Variants in FCN2 observed in about 807,000 individuals in gnomAD.
FCN2 encodes ficolin 2.
A neutral mutation model predicts 32.5 loss-of-function variants in FCN2; 31 were observed. That is an observed-to-expected ratio of 0.96 (90% CI 0.72 to 1.29). The LOEUF (loss-of-function observed/expected upper bound fraction) is 1.29. Among genes scored for constraint, FCN2 ranks in the 50% most tolerant of loss-of-function variants. The probability of loss-of-function intolerance (pLI) is 0.00; values close to 1 mark genes in which losing one functional copy is unlikely to be tolerated. For synonymous variants in FCN2, 181 were observed against 164.5 expected (o/e 1.10, Z -0.77); for missense variants, 412 against 406.5 (o/e 1.01, Z -0.12).
chr9:134,885,178 T>C, intron 4 of FCN2, 61 bp from the exon 5 acceptor site: 2 of 1,610,622 alleles, frequency 1.2e-6, no homozygotes, highest in Non-Finnish European at 8.5e-7. Flanking sequence ...GCCTCCCTCC[T>C]ACTGCCTGTG....
At chr9:134,882,187 G>T (rs1267248925) in intron 1 of FCN2, among the ~76,000 whole-genome samples, 2 of 152,264 alleles carry the variant, frequency 1.3e-5, no homozygotes, top group East Asian at 3.8e-4. Context: ...AGGGAACAGA[G>T]GCTCAGAGGG....
upstream of FCN2, among the ~76,000 whole-genome samples, chr9:134,875,919 G>T (rs894252283): frequency 1.3e-5 from 2 of 152,176 alleles, no homozygotes; most frequent in African/African-American, 4.8e-5. Flanking sequence ...AAGCTGCTAA[G>T]ATGTGGTAAT....
the FCN2 span, among the ~76,000 whole-genome samples, chr9:134,867,869 T>G: frequency 8.5e-5 from 13 of 152,170 alleles, no homozygotes; most frequent in Admixed American, 8.5e-4. Flanking sequence ...GAAATATTGG[T>G]GGTCATTAGT....
At chr9:134,871,920 C>T in the FCN2 span, among the ~76,000 whole-genome samples, 5 of 152,132 alleles carry the variant, frequency 3.3e-5, no homozygotes, top group Admixed American at 6.5e-5. Flanking sequence ...GAAGCTTCCT[C>T]GTTGCAATCC....
upstream of FCN2, among the ~76,000 whole-genome samples, chr9:134,878,632 C>G (rs1163156470): frequency 6.6e-6 from 1 of 152,162 alleles, no homozygotes; most frequent in Non-Finnish European, 1.5e-5. Context: ...CACCTGAGGT[C>G]GGGAGTTCGA....
intron 7 of FCN2, 98 bp from the exon 8 acceptor site, chr9:134,887,070 C>A: frequency 1.4e-6 from 2 of 1,392,192 alleles, no homozygotes; most frequent in Non-Finnish European, 2.0e-6. Context: ...CCTAACCATA[C>A]ATGGAGGACA....
At chr9:134,878,633 G>A (rs988235399), upstream of FCN2, among the ~76,000 whole-genome samples, 1 of 152,126 alleles carries the variant, frequency 6.6e-6, no homozygotes, top group African/African-American at 2.4e-5. Context: ...ACCTGAGGTC[G>A]GGAGTTCGAG....
Position 134,882,581 on chromosome 9 carries a change from T to C in FCN2, c.156T>C (p.Cys52=). 5 of 1,614,104 alleles carry C rather than the reference T, an allele frequency of 3.1e-6. No individual in the cohort carries two copies. The highest frequency in any genetic ancestry group is 1.6e-4 in the Middle Eastern group (1 of 6,062). ...GSDKLTILRG[C]PGLPGAPGPK... is the part of the protein sequence containing the mutation. The stretch of plus-strand genomic sequence containing the variant: ...ACAAGCTCACCATTCTCCGAGGCTG[T>C]CCGGGGCTGCCTGGGGCCCCTGGGC... The change falls in exon 2 of 8, where the codon TGT becomes TGC. Residue 52 remains cysteine (C), a synonymous_variant. Coordinates refer to ENST00000291744, the MANE Select transcript of FCN2 (RefSeq NM_004108.3).
Position 134,884,784 on chromosome 9 carries a change from C to A in FCN2, c.301+12C>A. 1 of 1,613,254 alleles carries A rather than the reference C, an allele frequency of 6.2e-7. No homozygotes were observed. Among genetic ancestry groups the A allele is most frequent in the Non-Finnish European group, 8.5e-7 (1 of 1,179,334 alleles). Reference sequence around the variant, plus strand: ...GCCGTGCCTGACAGGTGACTGACCACCCCCACACTCCTCCCACGGCTTGTG... The same window carrying A: ...GCCGTGCCTGACAGGTGACTGACCAACCCCACACTCCTCCCACGGCTTGTG... On this transcript the variant is annotated intron_variant, in intron 4 of 7. Transcript: ENST00000291744.
At chr9:134,865,928 C>T in the FCN2 span, among the ~76,000 whole-genome samples, 1 of 151,620 alleles carries the variant, frequency 6.6e-6, no homozygotes, top group Non-Finnish European at 1.5e-5. Context: ...ATCCAACTTA[C>T]AAGGGATGTG....
intron 5 of FCN2, among the ~76,000 whole-genome samples, 176 bp downstream of exon 5, chr9:134,885,542 T>A (rs1030840136): frequency 1.3e-5 from 2 of 151,548 alleles, no homozygotes; most frequent in Non-Finnish European, 2.9e-5. Context: ...CTGGGAGAGG[T>A]TGGGTGCTCT....
At chr9:134,885,627 G>C in intron 5 of FCN2, 141 bp from the exon 6 acceptor site, 1 of 1,213,344 alleles carries the variant, frequency 8.2e-7, no homozygotes, top group Non-Finnish European at 1.2e-6. Context: ...TGGAGTCTGT[G>C]AGGAGAACAG....
At chr9:134,879,254 G>T (rs1005578354), upstream of FCN2, among the ~76,000 whole-genome samples, 4 of 152,104 alleles carry the variant, frequency 2.6e-5, no homozygotes, top group African/African-American at 4.8e-5. Flanking sequence ...ACTCCAATAG[G>T]CCAGATTCTC....
chr9:134,869,147 G>A, the FCN2 span, among the ~76,000 whole-genome samples: 1 of 152,162 alleles, frequency 6.6e-6, no homozygotes, highest in Non-Finnish European at 1.5e-5. Context: ...CTCGGCCCCC[G>A]TGCCGGGGCT....
chr9:134,869,193 A>G, the FCN2 span, among the ~76,000 whole-genome samples: 3 of 152,208 alleles, frequency 2.0e-5, no homozygotes, highest in African/African-American at 7.2e-5. Context: ...CTTGGGACTC[A>G]TGCATGAGAG....
chr9:134,883,418 C>G (rs1053604540), intron 3 of FCN2, 63 bp downstream of exon 3: 1 of 1,453,768 alleles, frequency 6.9e-7, no homozygotes, highest in Non-Finnish European at 9.7e-7. Context: ...TGCAGAGGAA[C>G]GTGAGGCGGG....
At chr9:134,867,048 T>G in the FCN2 span, among the ~76,000 whole-genome samples, 1 of 118,994 alleles carries the variant, frequency 8.4e-6, no homozygotes, top group Non-Finnish European at 1.7e-5. Flanking sequence ...GGTGGGACTG[T>G]AAACTAGTTC....
chr9:134,879,829 C>T (rs979973105), upstream of FCN2, among the ~76,000 whole-genome samples: 6 of 152,244 alleles, frequency 3.9e-5, no homozygotes, highest in Admixed American at 3.9e-4. Flanking sequence ...CTCGGCATCC[C>T]GATGGCAGCA....
chr9:134,883,214 T>C (rs897462396), intron 2 of FCN2, 88 bp from the exon 3 acceptor site: 41 of 1,107,698 alleles, frequency 3.7e-5, no homozygotes, highest in Non-Finnish European at 5.6e-5. Flanking sequence ...ATGGTCATGA[T>C]TGGAAATGAC....
Sources: gnomAD v4.1 joint callset for allele counts (sites outside exome capture counted in the v4.1 genomes callset) on GRCh38, gnomAD v4.1.1 for gene constraint, MANE v1.5 for transcripts, NCBI Gene and HGNC (gene_info 2026-07-23, HGNC 2026-07-21) for gene names.